Variants in ARHGAP10 observed in about 807,000 individuals in gnomAD.
The protein encoded by ARHGAP10 is Rho GTPase activating protein 10, also known as rho GTPase-activating protein 10.
ARHGAP10 carries 87 observed loss-of-function variants against 108.6 expected under a neutral mutation model. The observed-to-expected ratio is 0.80, with a 90% CI of 0.67 to 0.96. The LOEUF (loss-of-function observed/expected upper bound fraction) is 0.96. ARHGAP10 is among the 40% of genes least tolerant of loss of function. The pLI, the probability that ARHGAP10 is intolerant of heterozygous loss-of-function variation, is 0.00. For synonymous variants in ARHGAP10, 347 were observed against 341.1 expected, an observed-to-expected ratio of 1.02 and a Z score of -0.19; for missense variants, 939 against 954.5, an observed-to-expected ratio of 0.98 and a Z score of 0.21.
intron 11 of ARHGAP10, among the ~76,000 whole-genome samples, chr4:147,908,463 C>T (rs1159963642): frequency 6.6e-6 from 1 of 152,070 alleles, no homozygotes; most frequent in Non-Finnish European, 1.5e-5. Context: ...AGTCAGGAGC[C>T]AAGTGATTAG....
At chr4:148,025,345 C>A (rs1741726757) in intron 19 of ARHGAP10, among the ~76,000 whole-genome samples, 1 of 151,094 alleles carries the variant, frequency 6.6e-6, no homozygotes, top group African/African-American at 2.4e-5. Flanking sequence ...GCTTTATATT[C>A]ATCCTTGGTT....
At chr4:148,045,517 GGATCACCT>G (rs1728836118) in intron 19 of ARHGAP10, among the ~76,000 whole-genome samples, 1 of 151,872 alleles carries the variant, frequency 6.6e-6, no homozygotes, top group Non-Finnish European at 1.5e-5. Context: ...TGAGGCAGGC[GGATCACCT>G]GAGGTCAGGA....
chr4:147,801,793 C>A (rs1357585884), intron 1 of ARHGAP10, among the ~76,000 whole-genome samples: 1 of 152,192 alleles, frequency 6.6e-6, no homozygotes, highest in African/African-American at 2.4e-5. Flanking sequence ...AGATACCTCT[C>A]AAAATAGTTC....
intron 8 of ARHGAP10, among the ~76,000 whole-genome samples, chr4:147,878,156 C>T (rs1248408012): frequency 2.0e-5 from 3 of 151,726 alleles, no homozygotes; most frequent in African/African-American, 4.8e-5. Flanking sequence ...AGTGCAGTGG[C>T]GCGATCTCAG....
intron 22 of ARHGAP10, among the ~76,000 whole-genome samples, chr4:148,071,407 G>C (rs1175583454): frequency 6.6e-6 from 1 of 152,230 alleles, no homozygotes; most frequent in Non-Finnish European, 1.5e-5. Context: ...CCTGAGGTCA[G>C]GAGTTTAAGA....
chr4:148,042,406 AC>A (rs769638026), intron 19 of ARHGAP10, among the ~76,000 whole-genome samples: 1 of 152,192 alleles, frequency 6.6e-6, no homozygotes, highest in Non-Finnish European at 1.5e-5. Context: ...TACATCATGC[AC>A]CTGCTTTCTG....
chr4:147,758,089 C>G (rs971464201), intron 1 of ARHGAP10, among the ~76,000 whole-genome samples: 1 of 152,046 alleles, frequency 6.6e-6, no homozygotes, highest in Non-Finnish European at 1.5e-5. Context: ...ATGGAGAAAC[C>G]CCGTCCATAC....
intron 18 of ARHGAP10, among the ~76,000 whole-genome samples, chr4:147,998,511 T>G (rs1740566182): frequency 6.6e-6 from 1 of 152,250 alleles, no homozygotes; most frequent in Non-Finnish European, 1.5e-5. Flanking sequence ...AGGGCACTAA[T>G]GCCAAGTCTG....
At chr4:147,949,194 C>T (rs1420659110) in intron 15 of ARHGAP10, among the ~76,000 whole-genome samples, 1 of 152,142 alleles carries the variant, frequency 6.6e-6, no homozygotes, top group Non-Finnish European at 1.5e-5. Context: ...GTTATGTGCA[C>T]TATTGTTATT....
intron 10 of ARHGAP10, among the ~76,000 whole-genome samples, chr4:147,886,665 T>TAG (rs1735579108): frequency 2.6e-5 from 4 of 152,242 alleles, no homozygotes; most frequent in African/African-American, 9.6e-5. Flanking sequence ...TCTCTCTTTC[T>TAG]AGAGAAGCAA....
chr4:147,770,782 C>T (rs1730044051), intron 1 of ARHGAP10, among the ~76,000 whole-genome samples: 1 of 152,092 alleles, frequency 6.6e-6, no homozygotes, highest in South Asian at 2.1e-4. Context: ...TTCTGTATGA[C>T]AGTTGTATGA....
chr4:147,738,588 A>T (rs900577050), intron 1 of ARHGAP10, among the ~76,000 whole-genome samples: 5 of 152,072 alleles, frequency 3.3e-5, no homozygotes, highest in African/African-American at 1.2e-4. Context: ...GACCTACTAT[A>T]TTGGATTAAA....
intron 22 of ARHGAP10, among the ~76,000 whole-genome samples, chr4:148,068,183 G>A (rs184354365): frequency 6.6e-6 from 1 of 152,196 alleles, no homozygotes; most frequent in African/African-American, 2.4e-5. Flanking sequence ...TGCCTCCTCA[G>A]GGGCAGGGTT....
chr4:148,070,264 G>A (rs922600745), intron 22 of ARHGAP10, among the ~76,000 whole-genome samples: 3 of 152,174 alleles, frequency 2.0e-5, no homozygotes, highest in African/African-American at 7.2e-5. Flanking sequence ...CCTGGAAGTG[G>A]GGGGATGCTG....
chr4:147,945,712 T>A (rs1236888286), intron 14 of ARHGAP10, among the ~76,000 whole-genome samples: 1 of 152,226 alleles, frequency 6.6e-6, no homozygotes, highest in Non-Finnish European at 1.5e-5. Context: ...TGGCCATTCA[T>A]GGTGCCACCC....
chr4:148,072,157 G>C lies in ARHGAP10; in HGVS notation c.*76G>C, dbSNP rs1344599218. 8 of 1,371,858 alleles carry C rather than the reference G, an allele frequency of 5.8e-6. No homozygotes were observed. The East Asian group carries it at 1.7e-4, about 28-fold the overall frequency. The allele number at this position is 1,371,858 out of a possible 1,614,324, so 85.0% of individuals were successfully genotyped here. A position where few individuals can be genotyped will look rare whatever the true frequency, so the allele number is the denominator to read the frequency against. On this transcript the variant is annotated 3_prime_UTR_variant, in exon 23 of 23. Coordinates refer to ENST00000336498, the MANE Select transcript of ARHGAP10 (RefSeq NM_024605.4). ...GGGCAGAGAGCTGTCTTCCTCCTCC[G>C]AGGCTCTGGGCTGCACCCACAGGTA...
intron 19 of ARHGAP10, among the ~76,000 whole-genome samples, chr4:148,024,989 C>T (rs1741712230): frequency 6.6e-6 from 1 of 152,158 alleles, no homozygotes; most frequent in Non-Finnish European, 1.5e-5. Context: ...TAAAGAAGGA[C>T]GTTTTGGTCT....
intron 4 of ARHGAP10, among the ~76,000 whole-genome samples, chr4:147,854,087 A>G (rs1733991284): frequency 6.6e-6 from 1 of 152,146 alleles, no homozygotes; most frequent in Admixed American, 6.5e-5. Context: ...TATATAACGT[A>G]TGTCTTTTTT....
At chr4:147,895,390 G>C (rs1735950671) in intron 10 of ARHGAP10, among the ~76,000 whole-genome samples, 1 of 151,532 alleles carries the variant, frequency 6.6e-6, no homozygotes, top group East Asian at 1.9e-4. Context: ...ACAGCCTTAG[G>C]GCCAGGCATG....
Sources: allele counts gnomAD v4.1 joint callset (sites outside exome capture counted in the v4.1 genomes callset), GRCh38; gene constraint gnomAD v4.1.1; transcripts MANE v1.5; gene names NCBI Gene and HGNC (gene_info 2026-07-23, HGNC 2026-07-21).